Variants in HS3ST2 observed in about 807,000 individuals in gnomAD.
HS3ST2 encodes heparan sulfate glucosamine 3-O-sulfotransferase 2.
In HS3ST2, 17 loss-of-function variants were observed where a neutral mutation model predicts 26.3. That is an observed-to-expected ratio of 0.65 (90% CI 0.44 to 0.97). The LOEUF (loss-of-function observed/expected upper bound fraction) is 0.97, where lower values mean the gene tolerates loss of function less well. HS3ST2 is among the 50% of genes least tolerant of loss of function. HS3ST2 has a pLI of 0.00. For missense variants in HS3ST2, 402 were observed against 501.2 expected, an observed-to-expected ratio of 0.80 and a Z score of 1.89; for synonymous variants, 237 against 219.2, an observed-to-expected ratio of 1.08 and a Z score of -0.72.
At chr16:22,868,963 G>A (rs543233034) in intron 1 of HS3ST2, among the ~76,000 whole-genome samples, 3 of 151,896 alleles carry the variant, frequency 2.0e-5, no homozygotes, top group African/African-American at 7.3e-5. Flanking sequence ...AGTCTACAGG[G>A]GAATCACGTG....
intron 1 of HS3ST2, among the ~76,000 whole-genome samples, chr16:22,830,685 G>A (rs772722418): frequency 2.0e-5 from 3 of 152,176 alleles, no homozygotes; most frequent in Non-Finnish European, 2.9e-5. Flanking sequence ...TCCAAACTTT[G>A]CCTTGCCTCT....
intron 1 of HS3ST2, among the ~76,000 whole-genome samples, chr16:22,895,756 A>T (rs1902202081): frequency 6.6e-6 from 1 of 151,886 alleles, no homozygotes; most frequent in Non-Finnish European, 1.5e-5. Context: ...TTATATGGCC[A>T]CACAATTTTC....
chr16:22,841,132 GCTCA>G (rs1281279891), intron 1 of HS3ST2, among the ~76,000 whole-genome samples: 4 of 152,212 alleles, frequency 2.6e-5, no homozygotes, highest in Admixed American at 2.6e-4. Context: ...CGCGATCTCA[GCTCA>G]CTGCAACCTC....
chr16:22,846,474 T>C (rs1378809687), intron 1 of HS3ST2, among the ~76,000 whole-genome samples: 1 of 152,168 alleles, frequency 6.6e-6, no homozygotes, highest in Non-Finnish European at 1.5e-5. Context: ...GGCCAAGTCA[T>C]ATGTGTGTTT....
chr16:22,834,540 C>T (rs1325045216), intron 1 of HS3ST2, among the ~76,000 whole-genome samples: 3 of 151,890 alleles, frequency 2.0e-5, no homozygotes, highest in East Asian at 1.9e-4. Context: ...ACCAAATCGC[C>T]TACTGATAGA....
At chr16:22,873,646 C>T (rs1357707941) in intron 1 of HS3ST2, among the ~76,000 whole-genome samples, 3 of 152,192 alleles carry the variant, frequency 2.0e-5, no homozygotes, top group African/African-American at 7.2e-5. Flanking sequence ...TCTGACAGAA[C>T]AAAATCCATG....
intron 1 of HS3ST2, among the ~76,000 whole-genome samples, chr16:22,879,862 G>A (rs1427753622): frequency 6.6e-6 from 1 of 152,132 alleles, no homozygotes; most frequent in African/African-American, 2.4e-5. Flanking sequence ...TGCCATCAAA[G>A]CATGGGGATT....
At chr16:22,912,558 T>C (rs980760699) in intron 1 of HS3ST2, among the ~76,000 whole-genome samples, 1 of 152,188 alleles carries the variant, frequency 6.6e-6, no homozygotes, top group African/African-American at 2.4e-5. Flanking sequence ...GACAAGCAAC[T>C]TTTATTGAAG....
intron 1 of HS3ST2, among the ~76,000 whole-genome samples, chr16:22,816,791 G>A (rs1451761399): frequency 6.6e-6 from 1 of 152,238 alleles, no homozygotes; most frequent in African/African-American, 2.4e-5. Context: ...ACATTCGAAT[G>A]CAGGCCAGCA....
intron 1 of HS3ST2, among the ~76,000 whole-genome samples, chr16:22,869,016 T>C (rs1901795506): frequency 6.6e-6 from 1 of 151,798 alleles, no homozygotes; most frequent in Non-Finnish European, 1.5e-5. Context: ...CTGTTTGTGA[T>C]CCTCTGAACA....
At chr16:22,905,654 T>C (rs1902342380) in intron 1 of HS3ST2, among the ~76,000 whole-genome samples, 1 of 152,182 alleles carries the variant, frequency 6.6e-6, no homozygotes, top group South Asian at 2.1e-4. Context: ...TGTCCAGGTG[T>C]AGAGAATACA....
chr16:22,867,227 T>C lies in HS3ST2; in HGVS notation c.486-47717T>C, dbSNP rs371601179. 3.3e-5 allele frequency among the ~76,000 whole-genome samples: 5 copies of C among 152,192 alleles called. No individual in the cohort carries two copies. The East Asian group carries it at 9.6e-4, about 29-fold the overall frequency. ...GACAACTGGCTTGCCATTTGGAAACTAATTCTTCCCTCATATATACCAAAA... is the reference window on the plus strand; with the variant it reads ...GACAACTGGCTTGCCATTTGGAAACCAATTCTTCCCTCATATATACCAAAA... On this transcript the variant is annotated intron_variant, in intron 1 of 1. Transcript: ENST00000261374.
chr16:22,844,047 A>C (rs985649607), intron 1 of HS3ST2, among the ~76,000 whole-genome samples: 1 of 152,026 alleles, frequency 6.6e-6, no homozygotes, highest in Non-Finnish European at 1.5e-5. Context: ...GCACACACAC[A>C]CATATCATAA....
At chr16:22,866,564 G>A (rs1020208347) in intron 1 of HS3ST2, among the ~76,000 whole-genome samples, 1 of 152,164 alleles carries the variant, frequency 6.6e-6, no homozygotes, top group African/African-American at 2.4e-5. Flanking sequence ...GAGCCCAGGA[G>A]TTTGAGACCA....
intron 1 of HS3ST2, among the ~76,000 whole-genome samples, chr16:22,835,319 G>A (rs1290335973): frequency 1.3e-5 from 2 of 151,060 alleles, no homozygotes; most frequent in African/African-American, 2.4e-5. Context: ...CTTCATTTTT[G>A]TATTTTTAAT....
At chr16:22,824,369 A>G (rs1901049290) in intron 1 of HS3ST2, among the ~76,000 whole-genome samples, 1 of 152,082 alleles carries the variant, frequency 6.6e-6, no homozygotes, top group Non-Finnish European at 1.5e-5. Context: ...AACAGAGTGA[A>G]ACCCTGTCTC....
intron 1 of HS3ST2, among the ~76,000 whole-genome samples, chr16:22,896,703 C>T (rs1384485217): frequency 2.0e-5 from 3 of 152,212 alleles, no homozygotes; most frequent in Non-Finnish European, 4.4e-5. Flanking sequence ...TACTAGCTTA[C>T]TTCACCCATA....
rs538453518 is a variant in HS3ST2, at chr16:22,838,908, A to T, written c.485+23813A>T. Among the ~76,000 whole-genome samples the T allele has an allele frequency of 2.0e-5, 3 of 152,202 alleles. No homozygotes were observed. In the East Asian group the frequency reaches 5.8e-4, roughly 29 times the overall value. On this transcript the variant is annotated intron_variant, in intron 1 of 1. Transcript: ENST00000261374. ...CCTTCCTTTTTCACCAGTCCAGGCC[A>T]TTGCTGCCCTTCACTGCCCAGCAGC...
intron 1 of HS3ST2, among the ~76,000 whole-genome samples, chr16:22,817,297 C>G (rs1291572415): frequency 2.0e-5 from 3 of 152,018 alleles, no homozygotes; most frequent in African/African-American, 7.2e-5. Context: ...TGCCCTCTCC[C>G]CATTGCTTGA....
Sources: gnomAD v4.1 joint callset for allele counts (sites outside exome capture counted in the v4.1 genomes callset) on GRCh38, gnomAD v4.1.1 for gene constraint, MANE v1.5 for transcripts, NCBI Gene and HGNC (gene_info 2026-07-23, HGNC 2026-07-21) for gene names.